ABCA6: variants seen among roughly 807,000 people sequenced by gnomAD.
The protein encoded by ABCA6 is ATP-binding cassette sub-family A member 6.
ABCA6 carries 164 observed loss-of-function variants against 191.2 expected under a neutral mutation model. That is an observed-to-expected ratio of 0.86 (90% CI 0.76 to 0.98). ABCA6 has a LOEUF of 0.98. Among genes scored for constraint, ABCA6 ranks in the 50% least tolerant of loss-of-function variants. The pLI is 0.00. For synonymous variants in ABCA6, 636 were observed against 647.7 expected (o/e 0.98, Z 0.27); for missense variants, 1,958 against 1,894.1 (o/e 1.03, Z -0.63).
chr17:69,123,476 C>G (rs762959006), intron 9 of ABCA6, 69 bp from the exon 10 acceptor site: 50 of 1,140,356 alleles, frequency 4.4e-5, no homozygotes, highest in Non-Finnish European at 5.7e-5. Context: ...GCCTTGCTAA[C>G]AACAATGCAG....
At position 69,079,264 on chromosome 17, in the gene ABCA6, C is replaced by T. The variant is rs745772874; in HGVS notation, c.4698G>A (p.Val1566=). ...LSQTFHKLEA[V]KHNFNLEEYS... is the part of the protein sequence containing the mutation. Reference sequence around the variant, plus strand: ...ATTCTTCCAGGTTAAAGTTATGCTTCACTGGAGGAAAAAAAAGACTAGTAT... The same window carrying T: ...ATTCTTCCAGGTTAAAGTTATGCTTTACTGGAGGAAAAAAAAGACTAGTAT... The change falls in exon 38 of 39, where the codon GTG becomes GTA. Residue 1566 remains valine (V), a splice_region_variant and synonymous_variant. Coordinates refer to ENST00000284425, the MANE Select transcript of ABCA6 (RefSeq NM_080284.3). The T allele has an allele frequency of 3.3e-5, 52 of 1,599,302 alleles. No homozygotes were observed. In the Admixed American group the frequency reaches 8.2e-4, roughly 25 times the overall value.
Position 69,124,889 on chromosome 17 carries a change from G to A in ABCA6, c.1266C>T (p.Pro422=). 6.4e-7 allele frequency: 1 copy of A among 1,553,678 alleles called. No homozygotes were observed. The highest frequency in any genetic ancestry group is 8.7e-7 in the Non-Finnish European group (1 of 1,150,390). The part of the protein sequence containing the change: ...LLALYFDKIL[P]YGDERHYSPL... ...AGAGAAAAACTCACTATTACTTACA[G>A]GGTAAAATTTTGTCAAAGTATAATG... Residue 422 remains proline (P), a splice_region_variant and synonymous_variant, in exon 9 of 39, where the codon CCC becomes CCT. Transcript: ENST00000284425.
At chr17:69,096,381 T>C in intron 24 of ABCA6, 28 bp from the exon 25 acceptor site, 2 of 1,210,562 alleles carry the variant, frequency 1.7e-6, no homozygotes, top group Non-Finnish European at 2.2e-6. Flanking sequence ...AATAACATAG[T>C]CAAAAAATCA....
Position 69,106,028 on chromosome 17 carries a change from A to G in ABCA6, c.2573T>C (p.Leu858Pro), listed in dbSNP as rs760865712. The change falls in exon 19 of 39, where the codon CTA becomes CCA. Residue 858 changes from leucine to proline, a missense_variant and splice_region_variant. Leu to Pro is a moderately conservative substitution (Grantham distance 98). Coordinates refer to ENST00000284425, the MANE Select transcript of ABCA6 (RefSeq NM_080284.3). Reference sequence around the variant, plus strand: ...AAAACCACAGTACTCTCCTACTCACAGGGTCAATAACACTTTAGTTTGACG... The same window carrying G: ...AAAACCACAGTACTCTCCTACTCACGGGGTCAATAACACTTTAGTTTGACG... ...LKRQTKVLLTLLLVFGIAIFP... is the reference protein window; with the variant it reads ...LKRQTKVLLTPLLVFGIAIFP... 5 of 1,605,126 alleles carry G rather than the reference A, an allele frequency of 3.1e-6. No individual in the cohort carries two copies. Among genetic ancestry groups the G allele is most frequent in the Non-Finnish European group, 4.3e-6 (5 of 1,176,124 alleles).
chr17:69,088,256 G>A lies in ABCA6; in HGVS notation c.3609C>T (p.Pro1203=). The A allele has an allele frequency of 6.2e-7, 1 of 1,604,522 alleles. No individual in the cohort carries two copies. The highest frequency in any genetic ancestry group is 8.5e-7 in the Non-Finnish European group (1 of 1,174,174). ...AAACGAATAGCAAAGTCTGAAAGTA[G>A]GGCTATGAGCAAAGAAATACAGTTA... ...SATDFLVCFI[P]YFQTLLFVFV... Residue 1203 remains proline (P), a splice_region_variant and synonymous_variant, in exon 28 of 39, where the codon CCC becomes CCT. Transcript: ENST00000284425.
intron 26 of ABCA6, among the ~76,000 whole-genome samples, chr17:69,090,624 A>G (rs1296139798): frequency 1.3e-5 from 2 of 152,170 alleles, no homozygotes; most frequent in South Asian, 4.1e-4. Context: ...CTTTGCCTCC[A>G]CTAAGCTTTG....
chr17:69,082,460 T>C (rs887517406), intron 36 of ABCA6, among the ~76,000 whole-genome samples: 1 of 152,162 alleles, frequency 6.6e-6, no homozygotes, highest in African/African-American at 2.4e-5. Context: ...TTTGATTATC[T>C]CAATTGCCAT....
intron 13 of ABCA6, among the ~76,000 whole-genome samples, chr17:69,114,307 C>T (rs1052683396): frequency 3.6e-4 from 54 of 150,914 alleles, no homozygotes; most frequent in Middle Eastern, 3.4e-3. Flanking sequence ...AGCAAACTAT[C>T]GCAAGGACAA....
At chr17:69,120,350 A>G (rs1256755083) in intron 10 of ABCA6, among the ~76,000 whole-genome samples, 1 of 152,070 alleles carries the variant, frequency 6.6e-6, no homozygotes, top group African/African-American at 2.4e-5. Flanking sequence ...TTAACTTTTT[A>G]AAACAAAAAT....
In ABCA6 at chr17:69,087,356, A is replaced by G. The variant is rs764345925; in HGVS notation, c.3816T>C (p.Asp1272=). The G allele has an allele frequency of 6.2e-7, 1 of 1,613,064 alleles. No individual in the cohort carries two copies. The highest frequency in any genetic ancestry group is 8.5e-7 in the Non-Finnish European group (1 of 1,179,632). Residue 1272 remains aspartate (D), a synonymous_variant, in exon 29 of 39, where the codon GAT becomes GAC. Transcript: ENST00000284425. ...TATALTTSIL[D]EKPVIIASCL... ...ATTTTGCCCCTTGCTTTTTTACCTCATCTAAGATTGAAGTGGTCAGAGCAG... is the reference window on the plus strand; with the variant it reads ...ATTTTGCCCCTTGCTTTTTTACCTCGTCTAAGATTGAAGTGGTCAGAGCAG...
chr17:69,079,870 A>G (rs756057007), intron 37 of ABCA6, among the ~76,000 whole-genome samples: 14 of 152,244 alleles, frequency 9.2e-5, no homozygotes, highest in Non-Finnish European at 1.8e-4. Flanking sequence ...CAAGCACTGC[A>G]TATATGATAA....
intron 23 of ABCA6, 125 bp from the exon 24 acceptor site, chr17:69,096,926 AAAAATTATGC>A: frequency 1.3e-6 from 1 of 793,088 alleles, no homozygotes; most frequent in Non-Finnish European, 1.8e-6. Flanking sequence ...TAATATTAAA[AAAAATTATGC>A]ATATACTGCT....
At chr17:69,090,824 T>C (rs2072906977) in intron 26 of ABCA6, among the ~76,000 whole-genome samples, 1 of 152,216 alleles carries the variant, frequency 6.6e-6, no homozygotes, top group Admixed American at 6.5e-5. Context: ...TTACCCATAT[T>C]TGAATGGCAT....
At chr17:69,090,735 A>C (rs1183240840) in intron 26 of ABCA6, among the ~76,000 whole-genome samples, 1 of 152,228 alleles carries the variant, frequency 6.6e-6, no homozygotes, top group Non-Finnish European at 1.5e-5. Context: ...GAATGATTGA[A>C]TGGAATCGCA....
chr17:69,080,725 A>C (rs2072609638), intron 37 of ABCA6, among the ~76,000 whole-genome samples: 1 of 152,224 alleles, frequency 6.6e-6, no homozygotes, highest in African/African-American at 2.4e-5. Context: ...GGAGTAAAGT[A>C]ATAATTTGGG....
intron 15 of ABCA6, chr17:69,112,792 CA>C (rs2073453145): frequency 6.5e-6 from 1 of 152,724 alleles, no homozygotes; most frequent in South Asian, 2.1e-4. Flanking sequence ...TACTTGTACT[CA>C]TTAAATTTAT....
At chr17:69,105,393 C>G (rs1271031058) in intron 20 of ABCA6, 69 bp downstream of exon 20, 6 of 1,417,694 alleles carry the variant, frequency 4.2e-6, no homozygotes, top group Admixed American at 2.5e-5. Context: ...ACTTCCCCCC[C>G]CCACCTCCTG....
intron 19 of ABCA6, 130 bp from the exon 20 acceptor site, chr17:69,105,758 A>T: frequency 1.2e-6 from 1 of 804,326 alleles, no homozygotes; most frequent in East Asian, 2.7e-5. Flanking sequence ...TAAAATTCTG[A>T]AGATAATACC....
At chr17:69,137,641 G>A in intron 2 of ABCA6, 141 bp from the exon 3 acceptor site, 1 of 730,190 alleles carries the variant, frequency 1.4e-6, no homozygotes, top group South Asian at 2.3e-5. Context: ...CTCAGAGCAT[G>A]GAGAATCAAA....
Sources: allele counts gnomAD v4.1 joint callset (sites outside exome capture counted in the v4.1 genomes callset), GRCh38; gene constraint gnomAD v4.1.1; transcripts MANE v1.5; gene names NCBI Gene and HGNC (gene_info 2026-07-23, HGNC 2026-07-21).